The following TRIOBP variants were observed in gnomAD, a reference collection of about 807,000 sequenced individuals.
The protein encoded by TRIOBP is TRIO and F-actin binding protein, also known as TRIO and F-actin-binding protein.
TRIOBP carries 169 observed loss-of-function variants against 238.8 expected under a neutral mutation model. The observed-to-expected ratio is 0.71, with a 90% CI of 0.62 to 0.80. TRIOBP has a LOEUF of 0.80. Among genes scored for constraint, TRIOBP ranks in the 30% least tolerant of loss-of-function variants. The probability of loss-of-function intolerance (pLI) is 0.00; values close to 1 mark genes in which losing one functional copy is unlikely to be tolerated. For synonymous variants in TRIOBP, 1,150 were observed against 1,274.4 expected (o/e 0.90, Z 2.08); for missense variants, 2,838 against 3,122.6 (o/e 0.91, Z 2.17).
intron 19 of TRIOBP, among the ~76,000 whole-genome samples, chr22:37,768,639 C>G (rs1327265245): frequency 1.3e-5 from 2 of 152,118 alleles, no homozygotes; most frequent in East Asian, 1.9e-4. Flanking sequence ...CCCATCTCTA[C>G]TAAAAATACA....
At chr22:37,756,963 G>T (rs1925957859) in intron 15 of TRIOBP, among the ~76,000 whole-genome samples, 1 of 152,116 alleles carries the variant, frequency 6.6e-6, no homozygotes, top group Non-Finnish European at 1.5e-5. Context: ...ATCACCATTT[G>T]CAAAAAGCCC....
chr22:37,746,343 G>C, intron 11 of TRIOBP: 1 of 1,170,510 alleles, frequency 8.5e-7, no homozygotes, highest in Non-Finnish European at 1.1e-6. Flanking sequence ...CGGGGTTCCC[G>C]CGCCGCGGAG....
chr22:37,740,239 C>A (rs1924869797), intron 10 of TRIOBP, among the ~76,000 whole-genome samples: 1 of 152,216 alleles, frequency 6.6e-6, no homozygotes, highest in Admixed American at 6.5e-5. Context: ...TCCCAGTAAC[C>A]CATGTGTGGC....
In TRIOBP at chr22:37,743,849, GGT is replaced by G. The variant is rs374357202; in HGVS notation, c.5322+2825_5322+2826del. 8.2e-4 allele frequency among the ~76,000 whole-genome samples: 80 copies of G among 97,876 alleles called. 1 individual carries two copies. The highest frequency in any genetic ancestry group is 2.0e-3 in the African/African-American group (44 of 22,160). 64.2% of individuals were successfully genotyped at this position (97,876 alleles called of 152,430 possible). A position where few individuals can be genotyped will look rare whatever the true frequency, so the allele number is the denominator to read the frequency against. ...TGTGTGTGTGTGTGTGTGTGTGCTG[GGT>G]GTGTGTGAGTGTGTGCTGGGTGTGT... On this transcript the variant is annotated intron_variant, in intron 11 of 23. Transcript: ENST00000644935.
chr22:37,699,359 C>G (rs1922523902), intron 2 of TRIOBP, among the ~76,000 whole-genome samples: 1 of 152,050 alleles, frequency 6.6e-6, no homozygotes, highest in Admixed American at 6.6e-5. Flanking sequence ...CTCCTCACTT[C>G]CACCTCCGAG....
At chr22:37,756,974 C>G (rs575178193) in intron 15 of TRIOBP, among the ~76,000 whole-genome samples, 1 of 152,286 alleles carries the variant, frequency 6.6e-6, no homozygotes, top group African/African-American at 2.4e-5. Context: ...CAAAAAGCCC[C>G]CTGCCTGCTT....
intron 17 of TRIOBP, among the ~76,000 whole-genome samples, chr22:37,764,058 C>A (rs534425057): frequency 2.6e-5 from 4 of 152,230 alleles, no homozygotes; most frequent in Non-Finnish European, 5.9e-5. Context: ...GAACTCTTCG[C>A]TTCTGCCCCC....
chr22:37,755,158 G>A lies in TRIOBP; in HGVS notation c.5545G>A (p.Ala1849Thr), dbSNP rs1406608496. The part of the protein sequence containing the change: ...LRSCTDVTEY[A>T]VQRNYGFQIH... Reference sequence around the variant, plus strand: ...TTCCTGCACGGATGTCACTGAGTACGCGGTGCAGCGCAACTATGGCTTCCA... The same window carrying A: ...TTCCTGCACGGATGTCACTGAGTACACGGTGCAGCGCAACTATGGCTTCCA... The change falls in exon 14 of 24, where the codon GCG becomes ACG. Residue 1849 changes from alanine (A) to threonine (T), a missense_variant. Around this residue, in one of 5 missense-constraint regions of TRIOBP, gnomAD observed 2,096 missense variants for 2,137.4 expected, o/e 0.98. Transcript: ENST00000644935. 12 of 1,613,346 alleles carry A rather than the reference G, an allele frequency of 7.4e-6. No homozygotes were observed. Among genetic ancestry groups the A allele is most frequent in the African/African-American group, 2.7e-5 (2 of 74,912 alleles).
At chr22:37,759,565 C>G (rs757152625) in intron 17 of TRIOBP, 2 of 1,595,466 alleles carry the variant, frequency 1.3e-6, no homozygotes, top group East Asian at 2.2e-5. Context: ...GTGTGTGAGT[C>G]CCCGTGTGAC....
At chr22:37,730,569 C>G (rs1036475380) in intron 7 of TRIOBP, among the ~76,000 whole-genome samples, 1 of 152,076 alleles carries the variant, frequency 6.6e-6, no homozygotes, top group African/African-American at 2.4e-5. Flanking sequence ...CATCGAAGCT[C>G]CTATACCCCA....
chr22:37,713,720 T>C (rs1923376436), intron 5 of TRIOBP, among the ~76,000 whole-genome samples: 1 of 152,054 alleles, frequency 6.6e-6, no homozygotes, highest in Non-Finnish European at 1.5e-5. Flanking sequence ...TCCCAGAGTG[T>C]TGGGTTTGGT....
intron 17 of TRIOBP, among the ~76,000 whole-genome samples, chr22:37,761,942 C>T (rs539381432): frequency 2.0e-5 from 3 of 151,512 alleles, no homozygotes; most frequent in South Asian, 2.1e-4. Context: ...CTCCGAGGCC[C>T]CCAGCCAGGG....
At chr22:37,742,883 C>T (rs979948840) in intron 11 of TRIOBP, among the ~76,000 whole-genome samples, 5 of 152,144 alleles carry the variant, frequency 3.3e-5, no homozygotes, top group East Asian at 1.9e-4. Context: ...TGCAGTTAGA[C>T]GCCTACTGTC....
At chr22:37,739,968 C>A (rs1037933627) in intron 10 of TRIOBP, among the ~76,000 whole-genome samples, 2 of 152,240 alleles carry the variant, frequency 1.3e-5, no homozygotes, top group African/African-American at 4.8e-5. Flanking sequence ...CCACCTCATT[C>A]ATGCATTCTT....
intron 21 of TRIOBP, among the ~76,000 whole-genome samples, chr22:37,770,445 G>C (rs1439281530): frequency 2.4e-5 from 1 of 42,450 alleles, no homozygotes; most frequent in African/African-American, 9.8e-5. Flanking sequence ...GCGAGACTCC[G>C]TCTCAAAAAA....
At chr22:37,740,202 G>A (rs1410150505) in intron 10 of TRIOBP, among the ~76,000 whole-genome samples, 1 of 152,220 alleles carries the variant, frequency 6.6e-6, no homozygotes, top group Non-Finnish European at 1.5e-5. Flanking sequence ...AGATTCCAGA[G>A]CGAGGACCCT....
intron 10 of TRIOBP, among the ~76,000 whole-genome samples, chr22:37,738,924 G>A (rs909731973): frequency 5.3e-5 from 8 of 152,266 alleles, no homozygotes; most frequent in African/African-American, 1.9e-4. Context: ...GTAGGTGGGC[G>A]ATCCTGGGGT....
Position 37,775,090 on chromosome 22 carries a change from A to G in TRIOBP, c.*1310A>G, listed in dbSNP as rs1926969955. ...GGCTGGCTGTGCTGATTATGGTTGC[A>G]TGGGGCTGGGAAGAGGTCCCATTTC... is the stretch of plus-strand genomic sequence containing the variant. On this transcript the variant is annotated 3_prime_UTR_variant, in exon 24 of 24. Transcript: ENST00000644935. The G allele has an allele frequency of 6.6e-6, 1 of 152,248 alleles. No homozygotes were observed. The highest frequency in any genetic ancestry group is 2.1e-4 in the South Asian group (1 of 4,840). The allele number at this position is 152,248 out of a possible 1,614,324, so 9.4% of individuals were successfully genotyped here.
chr22:37,771,791 C>A, intron 22 of TRIOBP, 55 bp downstream of exon 22: 1 of 1,527,162 alleles, frequency 6.5e-7, no homozygotes, highest in Non-Finnish European at 9.1e-7. Context: ...CATCTGGATG[C>A]CATCCTGTGA....
Sources: gnomAD v4.1 joint callset for allele counts (sites outside exome capture counted in the v4.1 genomes callset) on GRCh38, gnomAD v4.1.1 for gene constraint, gnomAD v4.1.1 regional missense constraint, MANE v1.5 for transcripts, NCBI Gene and HGNC (gene_info 2026-07-23, HGNC 2026-07-21) for gene names.